The following SPMIP5 variants were observed in gnomAD, a reference collection of about 807,000 sequenced individuals.
The protein encoded by SPMIP5 is sperm microtubule inner protein 5.
the SPMIP5 span, among the ~76,000 whole-genome samples, chr10:116,668,061 G>C: frequency 4.6e-5 from 7 of 152,206 alleles, no homozygotes; most frequent in African/African-American, 1.7e-4. Flanking sequence ...TGGGACGTGT[G>C]GTCTAAGTTC....
chr10:116,665,772 T>C, the SPMIP5 span: 1 of 1,614,148 alleles, frequency 6.2e-7, no homozygotes, highest in Non-Finnish European at 8.5e-7. Context: ...TTTCACACAG[T>C]GGTTCATGTC....
the SPMIP5 span, chr10:116,664,319 T>C: frequency 1.6e-6 from 2 of 1,289,296 alleles, no homozygotes; most frequent in Non-Finnish European, 2.1e-6. Flanking sequence ...TTATTAAGAA[T>C]AGAATAATAA....
chr10:116,664,358 A>T, the SPMIP5 span: 2 of 943,910 alleles, frequency 2.1e-6, no homozygotes, highest in Non-Finnish European at 3.1e-6. Flanking sequence ...ATACATAAAT[A>T]TGAGTAAATA....
At chr10:116,665,467 A>C in the SPMIP5 span, 1 of 637,194 alleles carries the variant, frequency 1.6e-6, no homozygotes, top group East Asian at 2.7e-5. Flanking sequence ...CATTTTAAGA[A>C]ATGGAGCCTT....
the SPMIP5 span, chr10:116,668,162 T>A: frequency 8.1e-7 from 1 of 1,229,302 alleles, no homozygotes; most frequent in Non-Finnish European, 1.2e-6. Context: ...CTGGTCCAGT[T>A]GGCTGCACAG....
chr10:116,663,266 A>G, the SPMIP5 span, among the ~76,000 whole-genome samples: 2 of 152,102 alleles, frequency 1.3e-5, no homozygotes, highest in Admixed American at 6.6e-5. Flanking sequence ...AGAAATGCCA[A>G]CGTGGCTGCA....
chr10:116,664,189 C>T, the SPMIP5 span: 10 of 1,613,962 alleles, frequency 6.2e-6, no homozygotes, highest in Admixed American at 1.7e-5. Context: ...ATAGAAAAAT[C>T]GGGATATTTT....
chr10:116,666,456 T>A, the SPMIP5 span, among the ~76,000 whole-genome samples: 1 of 34,780 alleles, frequency 2.9e-5, no homozygotes, highest in African/African-American at 1.2e-4. Context: ...AATAAAACCA[T>A]TTTTTTTTTT....
At chr10:116,666,792 G>T in the SPMIP5 span, among the ~76,000 whole-genome samples, 1 of 152,166 alleles carries the variant, frequency 6.6e-6, no homozygotes, top group Non-Finnish European at 1.5e-5. Context: ...CTGCCATCAG[G>T]GCCGACTTTG....
At chr10:116,666,083 C>G in the SPMIP5 span, among the ~76,000 whole-genome samples, 1 of 152,226 alleles carries the variant, frequency 6.6e-6, no homozygotes, top group Admixed American at 6.5e-5. Context: ...CAGTAATACT[C>G]TTTGAATAGC....
chr10:116,664,989 T>C, the SPMIP5 span: 1 of 1,574,882 alleles, frequency 6.3e-7, no homozygotes, highest in Admixed American at 1.8e-5. Flanking sequence ...AACTAAAAAA[T>C]GTTTTCCACT....
the SPMIP5 span, chr10:116,665,475 C>A: frequency 3.1e-6 from 2 of 643,956 alleles, no homozygotes; most frequent in African/African-American, 1.8e-5. Context: ...GAAATGGAGC[C>A]TTTGCATTTG....
At chr10:116,664,629 G>A in the SPMIP5 span, 1 of 1,477,904 alleles carries the variant, frequency 6.8e-7, no homozygotes, top group Non-Finnish European at 8.9e-7. Context: ...TACAAATGAG[G>A]CACCTTCTCT....
At chr10:116,669,150 T>C in the SPMIP5 span, among the ~76,000 whole-genome samples, 2 of 151,846 alleles carry the variant, frequency 1.3e-5, no homozygotes, top group East Asian at 3.9e-4. Flanking sequence ...CGCTGGTCAT[T>C]CCCCCCAAGT....
chr10:116,669,364 C>T, the SPMIP5 span, among the ~76,000 whole-genome samples: 1 of 152,170 alleles, frequency 6.6e-6, no homozygotes, highest in Admixed American at 6.5e-5. Context: ...CCACTCTAAC[C>T]CCTGGCATCA....
the SPMIP5 span, among the ~76,000 whole-genome samples, chr10:116,662,711 G>C: frequency 6.6e-6 from 1 of 152,098 alleles, no homozygotes; most frequent in African/African-American, 2.4e-5. Flanking sequence ...GTGGCAAGAT[G>C]ATGTTATCCA....
chr10:116,664,246 T>A, the SPMIP5 span: 388 of 1,607,984 alleles, frequency 2.4e-4, no homozygotes, highest in Middle Eastern at 4.9e-4. Context: ...GGAGCAGAAG[T>A]TTTTGTGGAG....
the SPMIP5 span, chr10:116,665,742 T>C: frequency 5.6e-5 from 91 of 1,614,180 alleles, 1 homozygote; most frequent in East Asian, 1.8e-3. Context: ...TTTATAGCGC[T>C]GTGTTTTCTC....
At chr10:116,667,092 G>A in the SPMIP5 span, among the ~76,000 whole-genome samples, 1 of 152,282 alleles carries the variant, frequency 6.6e-6, no homozygotes, top group East Asian at 1.9e-4. Context: ...CCGGATTTAG[G>A]GTGGGTCCTA....
Sources: allele counts gnomAD v4.1 joint callset (sites outside exome capture counted in the v4.1 genomes callset), GRCh38; gene constraint gnomAD v4.1.1; transcripts MANE v1.5; gene names NCBI Gene and HGNC (gene_info 2026-07-23, HGNC 2026-07-21).